Variants in MRPS28 observed in about 807,000 individuals in gnomAD.
MRPS28 encodes the protein small ribosomal subunit protein bS1m.
A neutral mutation model predicts 10.8 loss-of-function variants in MRPS28; 7 were observed. The observed-to-expected ratio is 0.65, with a 90% CI of 0.37 to 1.22. The LOEUF is 1.22. MRPS28 is among the 50% of genes most tolerant of loss of function. MRPS28 has a pLI of 0.02. For synonymous variants in MRPS28, 121 were observed against 93.3 expected, an observed-to-expected ratio of 1.30 and a Z score of -1.71; for missense variants, 265 against 232.9, an observed-to-expected ratio of 1.14 and a Z score of -0.90.
At chr8:80,024,486 A>G (rs1478884865) in intron 1 of MRPS28, among the ~76,000 whole-genome samples, 2 of 152,168 alleles carry the variant, frequency 1.3e-5, no homozygotes, top group Non-Finnish European at 2.9e-5. Context: ...CTCTTGATTA[A>G]ATTCCTGGCT....
intron 2 of MRPS28, among the ~76,000 whole-genome samples, chr8:79,984,259 G>A (rs1247639464): frequency 3.3e-5 from 5 of 152,244 alleles, no homozygotes; most frequent in Admixed American, 2.6e-4. Context: ...TGCCCTAAAA[G>A]AGCTCCTGAA....
intron 2 of MRPS28, among the ~76,000 whole-genome samples, chr8:79,991,911 T>TCG (rs1317635684): frequency 8.8e-3 from 8 of 912 alleles, no homozygotes; most frequent in South Asian, 0.056. Flanking sequence ...TCCTCCTTGC[T>TCG]CTCTCTCTCT....
At chr8:79,937,534 T>C (rs1806634598) in intron 2 of MRPS28, among the ~76,000 whole-genome samples, 1 of 152,176 alleles carries the variant, frequency 6.6e-6, no homozygotes. Flanking sequence ...TCATATGAAA[T>C]ACACCTCTAA....
At chr8:79,964,970 A>T (rs1422237492) in intron 2 of MRPS28, among the ~76,000 whole-genome samples, 4 of 152,138 alleles carry the variant, frequency 2.6e-5, no homozygotes, top group Non-Finnish European at 4.4e-5. Context: ...CTATTTACCC[A>T]GAGGCTGTTT....
At position 79,928,453 on chromosome 8, in the gene MRPS28, A is replaced by T. The variant is rs145161037; in HGVS notation, c.396-9305T>A. On this transcript the variant is annotated intron_variant, in intron 2 of 2. Transcript: ENST00000276585. Reference sequence around the variant, plus strand: ...CCCAATTTGGAGTATATATATATATATATTTTTTGAGACACAGTCTCTGTC... The same window carrying T: ...CCCAATTTGGAGTATATATATATATTTATTTTTTGAGACACAGTCTCTGTC... 7.6e-3 allele frequency among the ~76,000 whole-genome samples: 1,150 copies of T among 151,712 alleles called. 18 individuals carry two copies. The highest frequency in any genetic ancestry group is 0.027 in the African/African-American group (1,093 of 41,224).
chr8:79,993,724 C>T (rs1808423992), intron 2 of MRPS28, among the ~76,000 whole-genome samples: 1 of 152,142 alleles, frequency 6.6e-6, no homozygotes, highest in African/African-American at 2.4e-5. Context: ...TAAAAACATG[C>T]ATGCTTTTTT....
intron 2 of MRPS28, among the ~76,000 whole-genome samples, chr8:79,961,986 A>C (rs923747931): frequency 6.6e-6 from 1 of 152,136 alleles, no homozygotes; most frequent in African/African-American, 2.4e-5. Flanking sequence ...AGGAACATTA[A>C]TGTTAAATAT....
At chr8:80,021,178 T>C (rs993696516) in intron 1 of MRPS28, among the ~76,000 whole-genome samples, 1 of 152,088 alleles carries the variant, frequency 6.6e-6, no homozygotes, top group Non-Finnish European at 1.5e-5. Context: ...AATTTTTGTA[T>C]TTTTAGTAAA....
chr8:79,927,653 C>A (rs1251499626), intron 2 of MRPS28, among the ~76,000 whole-genome samples: 1 of 152,218 alleles, frequency 6.6e-6, no homozygotes, highest in Non-Finnish European at 1.5e-5. Flanking sequence ...CCTCTCCTCT[C>A]CTCTCAACCC....
chr8:79,934,369 T>C (rs10098578), intron 2 of MRPS28, among the ~76,000 whole-genome samples: 1 of 152,164 alleles, frequency 6.6e-6, no homozygotes, highest in Non-Finnish European at 1.5e-5. Context: ...CTAATTTTTA[T>C]AGTCTCCTTT....
chr8:80,013,978 T>C (rs1413050787), intron 1 of MRPS28, among the ~76,000 whole-genome samples: 1 of 152,122 alleles, frequency 6.6e-6, no homozygotes, highest in Non-Finnish European at 1.5e-5. Context: ...AAACTCTCAA[T>C]ATTGAAGAGA....
rs543203919 is a variant in MRPS28 at position 79,980,714 on chromosome 8, G to A, written c.395+22285C>T. Among the ~76,000 whole-genome samples the A allele has an allele frequency of 7.3e-4, 111 of 152,294 alleles. 1 individual carries two copies. The highest frequency in any genetic ancestry group is 1.1e-3 in the Non-Finnish European group (77 of 68,022). ...CTTGTCCATCAAAAAAGTAAGCAAT[G>A]AGTATTTATTGTGAACTTATACTCT... On this transcript the variant is annotated intron_variant, in intron 2 of 2. Coordinates refer to ENST00000276585, the MANE Select transcript of MRPS28 (RefSeq NM_014018.3).
intron 2 of MRPS28, among the ~76,000 whole-genome samples, chr8:79,988,579 C>A (rs951348647): frequency 6.6e-6 from 1 of 151,638 alleles, no homozygotes; most frequent in African/African-American, 2.4e-5. Flanking sequence ...CTAAATAATT[C>A]CTAATATATT....
intron 2 of MRPS28, among the ~76,000 whole-genome samples, chr8:79,990,884 G>A (rs548675914): frequency 9.9e-5 from 15 of 151,852 alleles, no homozygotes; most frequent in East Asian, 7.8e-4. Flanking sequence ...CCAGCTACTC[G>A]GGAGGCTGAG....
At chr8:79,936,783 C>CATT (rs546000934) in intron 2 of MRPS28, among the ~76,000 whole-genome samples, 2 of 152,170 alleles carry the variant, frequency 1.3e-5, no homozygotes, top group Non-Finnish European at 2.9e-5. Context: ...AAAAGAAAAA[C>CATT]ATTAATAGTA....
chr8:79,920,467 T>C (rs1010292980), intron 2 of MRPS28, among the ~76,000 whole-genome samples: 2 of 152,234 alleles, frequency 1.3e-5, no homozygotes, highest in Admixed American at 6.5e-5. Context: ...TTCCTGACTT[T>C]TTAATGATCA....
At chr8:80,014,503 A>G (rs1251258731) in intron 1 of MRPS28, among the ~76,000 whole-genome samples, 1 of 152,228 alleles carries the variant, frequency 6.6e-6, no homozygotes, top group Non-Finnish European at 1.5e-5. Flanking sequence ...AAGGCTGGGA[A>G]GTCTGGCCAC....
intron 1 of MRPS28, among the ~76,000 whole-genome samples, chr8:80,015,550 T>C (rs1454699821): frequency 6.6e-6 from 1 of 152,162 alleles, no homozygotes; most frequent in East Asian, 1.9e-4. Context: ...TATAGAACAC[T>C]TTCCCTCCCC....
chr8:79,984,464 A>T (rs531614348), intron 2 of MRPS28, among the ~76,000 whole-genome samples: 1 of 152,378 alleles, frequency 6.6e-6, no homozygotes, highest in South Asian at 2.1e-4. Flanking sequence ...GCTCCAATTA[A>T]AAGACACAGA....
Sources: gnomAD v4.1 joint callset for allele counts (sites outside exome capture counted in the v4.1 genomes callset) on GRCh38, gnomAD v4.1.1 for gene constraint, MANE v1.5 for transcripts, NCBI Gene and HGNC (gene_info 2026-07-23, HGNC 2026-07-21) for gene names.